VPS13D: variants seen among roughly 807,000 people sequenced by gnomAD.
VPS13D encodes intermembrane lipid transfer protein VPS13D.
VPS13D carries 187 observed loss-of-function variants against 461.9 expected under a neutral mutation model. That is an observed-to-expected ratio of 0.40 (90% CI 0.36 to 0.46). The LOEUF (loss-of-function observed/expected upper bound fraction) is 0.46, where lower values mean the gene tolerates loss of function less well. Among genes scored for constraint, VPS13D ranks in the 20% least tolerant of loss-of-function variants. VPS13D has a pLI of 0.60. For synonymous variants in VPS13D, 1,951 were observed against 1,986.3 expected, an observed-to-expected ratio of 0.98 and a Z score of 0.47; for missense variants, 4,711 against 5,364.9, an observed-to-expected ratio of 0.88 and a Z score of 3.81.
intron 46 of VPS13D, among the ~76,000 whole-genome samples, chr1:12,353,545 A>AC (rs1643855699): frequency 6.7e-6 from 1 of 150,060 alleles, no homozygotes; most frequent in African/African-American, 2.5e-5. Context: ...AAAAAAAAAA[A>AC]AAAAAAAAAA....
rs12567539 is a variant in VPS13D, at chr1:12,400,966, A to G, written c.11784+636A>G. On this transcript the variant is annotated intron_variant, in intron 61 of 69. Transcript: ENST00000620676. ...GAGATGTGCACCTGCGCGCGCGCAC[A>G]CACACACACACACACACACACACAC... 9.8e-3 allele frequency among the ~76,000 whole-genome samples: 1,217 copies of G among 124,328 alleles called. 7 individuals carry two copies. Among genetic ancestry groups the G allele is most frequent in the Non-Finnish European group, 0.013 (786 of 59,056 alleles). The allele number at this position is 124,328 out of a possible 152,430, so 81.6% of individuals were successfully genotyped here. A position where few individuals can be genotyped will look rare whatever the true frequency, so the allele number is the denominator to read the frequency against.
chr1:12,417,047 C>T lies in VPS13D; in HGVS notation c.12333+220C>T, dbSNP rs151018580. On this transcript the variant is annotated intron_variant, in intron 65 of 69. Coordinates refer to ENST00000620676, the MANE Select transcript of VPS13D (RefSeq NM_015378.4). ...CCTCCTTCCTCTCCGTTGCCACTGCCTTAGTCCAGGCATTGCGTATGTCTT... is the reference window on the plus strand; with the variant it reads ...CCTCCTTCCTCTCCGTTGCCACTGCTTTAGTCCAGGCATTGCGTATGTCTT... Among the ~76,000 whole-genome samples, 63 of 152,300 alleles carry T rather than the reference C, an allele frequency of 4.1e-4. 1 individual carries two copies. In the East Asian group the frequency reaches 0.011, roughly 27 times the overall value.
chr1:12,361,815 A>G (rs899472677), intron 50 of VPS13D, among the ~76,000 whole-genome samples: 2 of 152,132 alleles, frequency 1.3e-5, no homozygotes, highest in African/African-American at 4.8e-5. Context: ...TTCCTAATAC[A>G]TAGTAGGCGC....
Position 12,510,375 on chromosome 1 carries a change from A to G in VPS13D, c.*1351A>G, listed in dbSNP as rs930412541. Reference sequence around the variant, plus strand: ...TAATCAATTTCTACAACCTTGTCACATGTAGCTGAGTCTGGGATGACTCAG... The same window carrying G: ...TAATCAATTTCTACAACCTTGTCACGTGTAGCTGAGTCTGGGATGACTCAG... On this transcript the variant is annotated 3_prime_UTR_variant, in exon 70 of 70. Coordinates refer to ENST00000620676, the MANE Select transcript of VPS13D (RefSeq NM_015378.4). 3.9e-5 allele frequency: 6 copies of G among 152,300 alleles called. No individual in the cohort carries two copies. The highest frequency in any genetic ancestry group is 5.9e-5 in the Non-Finnish European group (4 of 68,022). 9.4% of individuals were successfully genotyped at this position (152,300 alleles called of 1,614,324 possible).
intron 41 of VPS13D, among the ~76,000 whole-genome samples, chr1:12,342,608 G>T (rs550937821): frequency 6.6e-6 from 1 of 152,314 alleles, no homozygotes; most frequent in South Asian, 2.1e-4. Context: ...TCACTTAAAT[G>T]CCACTTGAAA....
In VPS13D at chr1:12,355,860, G is replaced by C. The variant is rs779547366; in HGVS notation, c.9680-39G>C. 6 of 1,474,140 alleles carry C rather than the reference G, an allele frequency of 4.1e-6. No individual in the cohort carries two copies. In the East Asian group the frequency reaches 1.2e-4, roughly 30 times the overall value. 91.3% of individuals were successfully genotyped at this position (1,474,140 alleles called of 1,614,324 possible). A position where few individuals can be genotyped will look rare whatever the true frequency, so the allele number is the denominator to read the frequency against. On this transcript the variant is annotated intron_variant, in intron 47 of 69. Coordinates refer to ENST00000620676, the MANE Select transcript of VPS13D (RefSeq NM_015378.4). The stretch of plus-strand genomic sequence containing the variant: ...TTGCTGTGAGCTATTTTGACAAATA[G>C]TGAGAACTCTGAAAGTTAATAGTTT...
At chr1:12,377,768 C>T (rs1436234065) in intron 55 of VPS13D, among the ~76,000 whole-genome samples, 1 of 148,310 alleles carries the variant, frequency 6.7e-6, no homozygotes, top group South Asian at 2.1e-4. Context: ...TGTAGTGAGC[C>T]GAGATCGCAC....
At chr1:12,402,241 A>G (rs902271944) in intron 62 of VPS13D, among the ~76,000 whole-genome samples, 1 of 152,218 alleles carries the variant, frequency 6.6e-6, no homozygotes, top group Non-Finnish European at 1.5e-5. Context: ...TTTGTAGAAG[A>G]GAGTAAGATA....
intron 67 of VPS13D, among the ~76,000 whole-genome samples, chr1:12,478,124 G>T (rs1303346772): frequency 1.3e-5 from 2 of 152,216 alleles, no homozygotes; most frequent in Admixed American, 1.3e-4. Context: ...CTGGGATGGG[G>T]TTTTACACTT....
chr1:12,456,163 G>A (rs776233983), intron 66 of VPS13D, 33 bp downstream of exon 66: 3 of 1,582,458 alleles, frequency 1.9e-6, no homozygotes, highest in South Asian at 1.2e-5. Flanking sequence ...CTCTGCTGCT[G>A]CTGGTCCTCA....
intron 62 of VPS13D, 77 bp downstream of exon 62, chr1:12,401,781 G>T: frequency 8.0e-7 from 1 of 1,252,622 alleles, no homozygotes; most frequent in Non-Finnish European, 1.2e-6. Context: ...GTAAAAATAG[G>T]TAGCCCCTTG....
intron 65 of VPS13D, among the ~76,000 whole-genome samples, chr1:12,453,116 G>A (rs1384418824): frequency 1.3e-5 from 2 of 152,176 alleles, no homozygotes; most frequent in African/African-American, 4.8e-5. Flanking sequence ...CCAGGACCCA[G>A]TTGGTGCTGG....
At chr1:12,313,299 C>CTTTT (rs765170972) in intron 29 of VPS13D, among the ~76,000 whole-genome samples, 3 of 117,584 alleles carry the variant, frequency 2.6e-5, no homozygotes, top group Admixed American at 8.8e-5. Context: ...TTATTCTTTC[C>CTTTT]TTTTTTTTTT....
intron 52 of VPS13D, 44 bp from the exon 53 acceptor site, chr1:12,368,424 T>C: frequency 6.4e-7 from 1 of 1,561,528 alleles, no homozygotes; most frequent in South Asian, 1.2e-5. Context: ...TGGCATCTTG[T>C]CTCCTACATT....
In VPS13D at chr1:12,270,976, G is replaced by A. The variant is rs759555529; in HGVS notation, c.1973-18G>A. The A allele has an allele frequency of 8.7e-6, 14 of 1,612,406 alleles. No individual in the cohort carries two copies. The South Asian group carries it at 1.2e-4, about 14-fold the overall frequency. On this transcript the variant is annotated intron_variant, in intron 16 of 69. Transcript: ENST00000620676. ...CGTGTGAAAATTCTGACTCTGCTGT[G>A]TATTTCCAACCTTGCAGGTTTTGGT...
chr1:12,389,115 A>T (rs1644389248), intron 60 of VPS13D, among the ~76,000 whole-genome samples: 1 of 152,194 alleles, frequency 6.6e-6, no homozygotes, highest in African/African-American at 2.4e-5. Flanking sequence ...CAAGGGCAGA[A>T]AGCATCCAGC....
chr1:12,258,125 G>A (rs1172233336), intron 10 of VPS13D, 22 bp downstream of exon 10: 2 of 1,611,994 alleles, frequency 1.2e-6, no homozygotes, highest in East Asian at 2.2e-5. Flanking sequence ...GTGGTCTTGT[G>A]TTTCTTGTCT....
chr1:12,308,178 G>A (rs1314085695), intron 26 of VPS13D, among the ~76,000 whole-genome samples: 1 of 152,150 alleles, frequency 6.6e-6, no homozygotes, highest in African/African-American at 2.4e-5. Context: ...GTAGAACTGT[G>A]ACGCGGTCTG....
intron 25 of VPS13D, among the ~76,000 whole-genome samples, chr1:12,300,816 G>C (rs1325058981): frequency 1.3e-5 from 2 of 152,174 alleles, no homozygotes. Context: ...TGAGGAGACT[G>C]AGTGACATTT....
Sources: allele counts gnomAD v4.1 joint callset (sites outside exome capture counted in the v4.1 genomes callset), GRCh38; gene constraint gnomAD v4.1.1; transcripts MANE v1.5; gene names NCBI Gene and HGNC (gene_info 2026-07-23, HGNC 2026-07-21).